KCNMB3: variants seen among roughly 807,000 people sequenced by gnomAD.
KCNMB3 encodes potassium calcium-activated channel subfamily M regulatory beta subunit 3, also known as calcium-activated potassium channel subunit beta-3.
In KCNMB3, 18 loss-of-function variants were observed where a neutral mutation model predicts 11.9. The ratio of observed to expected loss-of-function variants is 1.51; its 90% CI spans 1.04 to 2.23. KCNMB3 has a LOEUF of 2.23. Among genes scored for constraint, KCNMB3 ranks in the 30% most tolerant of loss-of-function variants. The pLI is 0.00. For missense variants in KCNMB3, 247 were observed against 329.4 expected, an observed-to-expected ratio of 0.75 and a Z score of 1.94; for synonymous variants, 78 against 119.2, an observed-to-expected ratio of 0.65 and a Z score of 2.25.
intron 1 of KCNMB3, among the ~76,000 whole-genome samples, chr3:179,245,569 G>A (rs1295745526): frequency 2.0e-5 from 3 of 151,912 alleles, no homozygotes; most frequent in African/African-American, 7.3e-5. Context: ...GTGCAATCTC[G>A]GCTCACTGCA....
At chr3:179,260,582 G>A in intron 1 of KCNMB3, 3 of 1,520,956 alleles carry the variant, frequency 2.0e-6, no homozygotes, top group Non-Finnish European at 1.8e-6. Context: ...CGACTTGAGG[G>A]CATTTAACTC....
chr3:179,260,444 A>G (rs1317329393), intron 1 of KCNMB3: 11 of 1,613,480 alleles, frequency 6.8e-6, no homozygotes, highest in Middle Eastern at 1.7e-4. Flanking sequence ...TGTCCACACA[A>G]TCCTTCACTG....
At chr3:179,241,699 T>C (rs992805463), downstream of KCNMB3, 2 of 152,298 alleles carry the variant, frequency 1.3e-5, no homozygotes, top group African/African-American at 4.8e-5. Context: ...GTTGAGAGCC[T>C]TATGACATCA....
At chr3:179,258,121 G>A (rs1467980970) in intron 1 of KCNMB3, among the ~76,000 whole-genome samples, 1 of 152,030 alleles carries the variant, frequency 6.6e-6, no homozygotes, top group Non-Finnish European at 1.5e-5. Flanking sequence ...TCTGACCTCA[G>A]GTGATCCACC....
downstream of KCNMB3, chr3:179,240,764 T>G (rs1725434868): frequency 7.0e-6 from 1 of 142,038 alleles, no homozygotes; most frequent in East Asian, 1.9e-4. Context: ...TATTTTAAAT[T>G]AGCAGTTTTG....
At chr3:179,251,449 A>G, upstream of KCNMB3, 2 of 1,411,996 alleles carry the variant, frequency 1.4e-6, no homozygotes, top group Non-Finnish European at 1.8e-6. Context: ...TGCCCAGTCC[A>G]CTCAGAATTA....
chr3:179,254,856 T>G (rs2108450414), upstream of KCNMB3, among the ~76,000 whole-genome samples: 1 of 152,048 alleles, frequency 6.6e-6, no homozygotes, highest in African/African-American at 2.4e-5. Flanking sequence ...GTATATGCAC[T>G]CATTTAGAAG....
upstream of KCNMB3, among the ~76,000 whole-genome samples, chr3:179,255,551 A>G (rs1232415012): frequency 6.6e-6 from 1 of 152,200 alleles, no homozygotes; most frequent in Non-Finnish European, 1.5e-5. Context: ...AGATTTTTAA[A>G]TGGAAAGTAT....
upstream of KCNMB3, among the ~76,000 whole-genome samples, chr3:179,254,432 G>A (rs548280716): frequency 1.3e-4 from 19 of 151,996 alleles, no homozygotes; most frequent in Non-Finnish European, 2.5e-4. Context: ...GTGTAATGTT[G>A]TTTAAGTAGG....
At chr3:179,261,366 T>G in intron 1 of KCNMB3, 2 of 1,135,554 alleles carry the variant, frequency 1.8e-6, no homozygotes, top group Non-Finnish European at 1.1e-6. Context: ...GCGCGCGCTC[T>G]GTCCGCGGAG....
At chr3:179,257,872 TTGTGTGTGTG>T (rs112319528) in intron 1 of KCNMB3, among the ~76,000 whole-genome samples, 5 of 90,900 alleles carry the variant, frequency 5.5e-5, no homozygotes, top group Admixed American at 2.8e-4. Flanking sequence ...AAACATTGTT[TTGTGTGTGTG>T]TGTGTGTGTG....
Position 179,260,977 on chromosome 3 carries a change from C to T in KCNMB3, c.62+5672G>A. The T allele has an allele frequency of 1.5e-5, 15 of 1,003,912 alleles. No homozygotes were observed. The South Asian group carries it at 1.8e-4, about 12-fold the overall frequency. The allele number at this position is 1,003,912 out of a possible 1,614,324, so 62.2% of individuals were successfully genotyped here. A position where few individuals can be genotyped will look rare whatever the true frequency, so the allele number is the denominator to read the frequency against. ...GAGAGTCCTTGATTTCCCTGATGGA[C>T]GCCTCGGTGTCGATGGATATAGAGG... On this transcript the variant is annotated intron_variant, in intron 1 of 3. Coordinates refer to the KCNMB3 transcript ENST00000349697.
chr3:179,258,499 T>G (rs1266965386), intron 1 of KCNMB3, among the ~76,000 whole-genome samples: 1 of 152,250 alleles, frequency 6.6e-6, no homozygotes, highest in Non-Finnish European at 1.5e-5. Context: ...TATTTGCTAT[T>G]TGGCGGTTTA....
intron 1 of KCNMB3, among the ~76,000 whole-genome samples, chr3:179,262,885 A>G (rs1315594180): frequency 6.6e-6 from 1 of 152,226 alleles, no homozygotes; most frequent in African/African-American, 2.4e-5. Context: ...GTGTGTTTAT[A>G]AACCTTGAGC....
chr3:179,256,555 G>A (rs1397965164), upstream of KCNMB3, among the ~76,000 whole-genome samples: 3 of 151,936 alleles, frequency 2.0e-5, 1 homozygote, highest in Admixed American at 6.6e-5. Flanking sequence ...TAATTTAGAG[G>A]GAGTAACAGT....
downstream of KCNMB3, chr3:179,240,952 A>G (rs1476924028): frequency 6.6e-6 from 1 of 152,198 alleles, no homozygotes; most frequent in African/African-American, 2.4e-5. Flanking sequence ...ATTACAGAGA[A>G]GTCTTTGGTA....
chr3:179,245,222 G>C (rs941946431), intron 1 of KCNMB3, among the ~76,000 whole-genome samples: 1 of 152,080 alleles, frequency 6.6e-6, no homozygotes, highest in Non-Finnish European at 1.5e-5. Flanking sequence ...GCACTGGCTT[G>C]TCCTGATGAA....
At position 179,250,809 on chromosome 3, in the gene KCNMB3, A is replaced by G. The variant is rs764686186; in HGVS notation, c.182T>C (p.Met61Thr). Residue 61 changes from methionine (M) to threonine (T), a missense_variant, in exon 1 of 3, where the codon ATG becomes ACG. Physicochemically the swap from Met to Thr is moderately conservative, Grantham distance 81. Coordinates refer to ENST00000392685, the MANE Select transcript of KCNMB3 (RefSeq NM_171830.2). The stretch of plus-strand genomic sequence containing the variant: ...GAACATTAGGACTGAGAAGCCCATC[A>G]TGGCAAACCCCAGCATCACGGCTCG... The part of the protein sequence containing the change: ...EDRAVMLGFA[M>T]MGFSVLMFFL... The G allele has an allele frequency of 9.9e-6, 16 of 1,614,082 alleles. No individual in the cohort carries two copies. Among genetic ancestry groups the G allele is most frequent in the South Asian group, 7.7e-5 (7 of 91,092 alleles).
chr3:179,252,866 G>A (rs1725892773), upstream of KCNMB3, among the ~76,000 whole-genome samples: 1 of 151,414 alleles, frequency 6.6e-6, no homozygotes, highest in Non-Finnish European at 1.5e-5. Flanking sequence ...TGAGTAGCTG[G>A]GACTACAGGC....
Sources: allele counts gnomAD v4.1 joint callset (sites outside exome capture counted in the v4.1 genomes callset), GRCh38; gene constraint gnomAD v4.1.1; transcripts MANE v1.5; gene names NCBI Gene and HGNC (gene_info 2026-07-23, HGNC 2026-07-21).